The following MACROD1 variants were observed in gnomAD, a reference collection of about 807,000 sequenced individuals.
The protein encoded by MACROD1 is mono-ADP ribosylhydrolase 1.
MACROD1 carries 31 observed loss-of-function variants against 41.4 expected under a neutral mutation model. That is an observed-to-expected ratio of 0.75 (90% CI 0.56 to 1.01). The LOEUF is 1.01. Ranked by LOEUF, MACROD1 falls within the 50% of genes least tolerant of loss-of-function variation. The pLI is 0.00. For synonymous variants in MACROD1, 252 were observed against 203.4 expected, an observed-to-expected ratio of 1.24 and a Z score of -2.03; for missense variants, 473 against 460.0, an observed-to-expected ratio of 1.03 and a Z score of -0.26.
Position 64,122,173 on chromosome 11 carries a change from C to CAA in MACROD1, c.517+29064_517+29065dup, listed in dbSNP as rs2134637084. On this transcript the variant is annotated intron_variant, in intron 3 of 10. Coordinates refer to ENST00000255681, the MANE Select transcript of MACROD1 (RefSeq NM_014067.4). This position sits in a 1 kb window ranked among gnomAD's most constrained non-coding sequence, Gnocchi z 4.0. Reference sequence around the variant, plus strand: ...TCAATTCCACAGACATGATGTGCATCAAAAGCTCCTTTTCTTCCCTTTTCT... The same window carrying CAA: ...TCAATTCCACAGACATGATGTGCATCAAAAAAGCTCCTTTTCTTCCCTTTTCT... Among the ~76,000 whole-genome samples the CAA allele has an allele frequency of 6.6e-6, 1 of 152,344 alleles. No individual in the cohort carries two copies. The highest frequency in any genetic ancestry group is 2.1e-4 in the South Asian group (1 of 4,832).
chr11:64,092,622 T>G (rs1944509848), intron 3 of MACROD1, among the ~76,000 whole-genome samples: 1 of 152,222 alleles, frequency 6.6e-6, no homozygotes, highest in Non-Finnish European at 1.5e-5. Flanking sequence ...AGCCCTCACT[T>G]GCTGCAGGCA....
At chr11:64,013,375 G>A (rs1455640307) in intron 4 of MACROD1, among the ~76,000 whole-genome samples, 1 of 152,216 alleles carries the variant, frequency 6.6e-6, no homozygotes, top group Non-Finnish European at 1.5e-5. Flanking sequence ...AGGCCTGTCG[G>A]AGTGAACGGA....
In MACROD1 at chr11:64,150,791, T is replaced by C. The variant is rs115938969; in HGVS notation, c.517+448A>G. ...CTCCTGTTTCTAGGCTCTGGAAAGC[T>C]GCCAGGGCATGGCAGGGGACCTCTC... is the stretch of plus-strand genomic sequence containing the variant. On this transcript the variant is annotated intron_variant, in intron 3 of 10. Transcript: ENST00000255681. 3.9e-3 allele frequency among the ~76,000 whole-genome samples: 599 copies of C among 152,322 alleles called. 1 individual carries two copies. Among genetic ancestry groups the C allele is most frequent in the African/African-American group, 0.013 (561 of 41,566 alleles).
chr11:64,036,456 A>G lies in MACROD1; in HGVS notation c.518-21175T>C, dbSNP rs1943382550. 6.6e-6 allele frequency among the ~76,000 whole-genome samples: 1 copy of G among 151,508 alleles called. No homozygotes were observed. The highest frequency in any genetic ancestry group is 2.4e-5 in the African/African-American group (1 of 41,218). The stretch of plus-strand genomic sequence containing the variant: ...CCGAGGCTGGAAAGGGCGGGGGCTC[A>G]GCTGGAGCTCTAGTCCAAGCCCTCG... On this transcript the variant is annotated intron_variant, in intron 3 of 10. Transcript: ENST00000255681. This position sits in a 1 kb window ranked among gnomAD's most constrained non-coding sequence, Gnocchi z 5.6.
intron 3 of MACROD1, among the ~76,000 whole-genome samples, chr11:64,040,908 G>A (rs551931069): frequency 2.0e-5 from 3 of 152,052 alleles, no homozygotes; most frequent in African/African-American, 2.4e-5. Flanking sequence ...TCCGACGTCC[G>A]GCCAGGCCCC....
chr11:63,999,334 G>A lies in MACROD1; in HGVS notation c.888C>T (p.Asp296=). The change falls in exon 8 of 11, where the codon GAC becomes GAT. Residue 296 remains aspartate (D), a synonymous_variant. Coordinates refer to ENST00000255681, the MANE Select transcript of MACROD1 (RefSeq NM_014067.4). ...CTCGCCCGGGCCCAGGACTCACCTT[G>A]TCCTTGTGCTGCTCCAGCCACTCTC... ...TLREWLEQHK[D]KVDRLIICVF... 1.3e-6 allele frequency: 2 copies of A among 1,566,378 alleles called. No homozygotes were observed. Among genetic ancestry groups the A allele is most frequent in the South Asian group, 1.2e-5 (1 of 86,594 alleles).
At chr11:64,116,461 T>C in intron 3 of MACROD1, 3 of 1,614,088 alleles carry the variant, frequency 1.9e-6, no homozygotes, top group Non-Finnish European at 2.5e-6. Flanking sequence ...AACGGCTTCA[T>C]CTACTGCAAC....
At chr11:64,132,836 TC>T (rs1267304330) in intron 3 of MACROD1, among the ~76,000 whole-genome samples, 1 of 152,204 alleles carries the variant, frequency 6.6e-6, no homozygotes, top group Non-Finnish European at 1.5e-5. Context: ...CCGAGCTTCA[TC>T]CTCACGGCAG....
At chr11:64,051,594 T>C (rs1943696653) in intron 3 of MACROD1, among the ~76,000 whole-genome samples, 1 of 152,180 alleles carries the variant, frequency 6.6e-6, no homozygotes, top group Admixed American at 6.5e-5. Flanking sequence ...CAGACGGCCT[T>C]GTGCCACCAC....
intron 3 of MACROD1, among the ~76,000 whole-genome samples, chr11:64,098,274 G>A (rs1479622384): frequency 1.3e-5 from 2 of 152,136 alleles, no homozygotes; most frequent in Admixed American, 6.5e-5. Context: ...GCCAGGCTCC[G>A]GGCCCTGCTT....
At chr11:64,148,959 A>AAGCCCGTGTTCAG (rs1481739345) in intron 3 of MACROD1, 62 of 985,228 alleles carry the variant, frequency 6.3e-5, no homozygotes, top group Admixed American at 1.2e-4. Flanking sequence ...TCTGTGTGGG[A>AAGCCCGTGTTCAG]AGCCCGTGTT....
chr11:64,151,145 G>T, intron 3 of MACROD1, 94 bp downstream of exon 3: 1 of 1,079,434 alleles, frequency 9.3e-7, no homozygotes. Flanking sequence ...GAGCCTCACT[G>T]GAGCCAGGTG....
At chr11:64,109,297 C>G (rs940398900) in intron 3 of MACROD1, among the ~76,000 whole-genome samples, 3 of 152,126 alleles carry the variant, frequency 2.0e-5, no homozygotes, top group Non-Finnish European at 4.4e-5. Context: ...TAAGCCACCA[C>G]GAGGGGTGGG....
intron 4 of MACROD1, among the ~76,000 whole-genome samples, chr11:64,014,340 C>T (rs1228205158): frequency 6.6e-6 from 1 of 152,188 alleles, no homozygotes; most frequent in East Asian, 1.9e-4. Context: ...GGAGGGAAAA[C>T]ATCTCAGCCA....
At chr11:63,999,178 C>G in intron 8 of MACROD1, 142 bp from the exon 9 acceptor site, 1 of 1,325,674 alleles carries the variant, frequency 7.5e-7, no homozygotes, top group South Asian at 1.4e-5. Context: ...TCACCCCCAT[C>G]TCGCCACCGC....
chr11:64,065,571 C>T lies in MACROD1; in HGVS notation c.518-50290G>A, dbSNP rs576288374. Among the ~76,000 whole-genome samples, 55 of 152,044 alleles carry T rather than the reference C, an allele frequency of 3.6e-4. 1 individual carries two copies. Among genetic ancestry groups the T allele is most frequent in the African/African-American group, 1.0e-3 (42 of 41,476 alleles). The stretch of plus-strand genomic sequence containing the variant: ...TTGGGAGGCCAAGGTGGGCGAATCA[C>T]GAGGTCAGGAGATCAAGACCATCCT... On this transcript the variant is annotated intron_variant, in intron 3 of 10. Coordinates refer to ENST00000255681, the MANE Select transcript of MACROD1 (RefSeq NM_014067.4).
At chr11:64,015,209 A>G in intron 4 of MACROD1, 43 bp downstream of exon 4, 3 of 1,558,304 alleles carry the variant, frequency 1.9e-6, no homozygotes, top group South Asian at 2.4e-5. Context: ...CCAGCAGGGG[A>G]GATGCCACAC....
intron 3 of MACROD1, among the ~76,000 whole-genome samples, chr11:64,048,372 CTT>C (rs1943625781): frequency 6.6e-6 from 1 of 152,210 alleles, no homozygotes; most frequent in South Asian, 2.1e-4. Context: ...GACAGAGGCC[CTT>C]GTCTGTGGAG....
rs201456179 is a variant in MACROD1 at position 64,130,940 on chromosome 11, CAAGAA to C, written c.517+20294_517+20298del. Among the ~76,000 whole-genome samples, 125 of 152,336 alleles carry C rather than the reference CAAGAA, an allele frequency of 8.2e-4. No homozygotes were observed. The East Asian group carries it at 0.022, about 27-fold the overall frequency. ...CCTGGGACGAGATGAAATTATGCCT[CAAGAA>C]GAGAACTGGCCGGCCCGGCGAGGAA... On this transcript the variant is annotated intron_variant, in intron 3 of 10. Transcript: ENST00000255681.
Sources: allele counts gnomAD v4.1 joint callset (sites outside exome capture counted in the v4.1 genomes callset), GRCh38; gene constraint gnomAD v4.1.1; non-coding constraint Gnocchi (gnomAD v3.1); transcripts MANE v1.5; gene names NCBI Gene and HGNC (gene_info 2026-07-23, HGNC 2026-07-21).